The following DMD variants were observed in gnomAD, a reference collection of about 807,000 sequenced individuals.
DMD encodes the protein dystrophin, also known as mutant dystrophin.
Under a neutral mutation model 330.1 loss-of-function variants are expected in DMD, and 63 were observed. The observed-to-expected ratio is 0.19, with a 90% CI of 0.16 to 0.24. The LOEUF is 0.24. Among genes scored for constraint, DMD ranks in the 10% least tolerant of loss-of-function variants. The pLI, the probability that DMD is intolerant of heterozygous loss-of-function variation, is 1.00. For missense variants in DMD, 3,344 were observed against 2,684.1 expected, an observed-to-expected ratio of 1.25 and a Z score of -5.43; for synonymous variants, 1,223 against 959.8, an observed-to-expected ratio of 1.27 and a Z score of -5.07.
chrX:31,219,489 T>C (rs1359647103), intron 64 of DMD, among the ~76,000 whole-genome samples: 4 of 110,820 alleles, frequency 3.6e-5, no homozygotes, highest in African/African-American at 9.9e-5. Context: ...CTCCACTCCA[T>C]ACAAAAAATG....
intron 62 of DMD, among the ~76,000 whole-genome samples, chrX:31,285,595 G>A (rs950321793): frequency 2.7e-5 from 3 of 111,386 alleles, no homozygotes; most frequent in Admixed American, 9.6e-5. Flanking sequence ...TTTCATTAAC[G>A]CTCTCCTCTA....
At chrX:31,453,765 C>CAAAAAAAAAAAAAAA (rs760511403) in intron 59 of DMD, among the ~76,000 whole-genome samples, 92 of 8,976 alleles carry the variant, frequency 0.01, 9 homozygotes, top group South Asian at 0.022. Context: ...AAAAAACAAG[C>CAAAAAAAAAAAAAAA]AAAAAAAAAA....
At chrX:32,964,436 A>G (rs2092046589) in intron 2 of DMD, among the ~76,000 whole-genome samples, 1 of 109,858 alleles carries the variant, frequency 9.1e-6, no homozygotes, top group Non-Finnish European at 1.9e-5. Flanking sequence ...AGCCGGGCTC[A>G]GTGACTCACA....
At chrX:31,243,688 C>T (rs2048568190) in intron 63 of DMD, among the ~76,000 whole-genome samples, 1 of 112,706 alleles carries the variant, frequency 8.9e-6, no homozygotes, top group Non-Finnish European at 1.9e-5. Flanking sequence ...CTGGGAAGGA[C>T]ATGGTTAGAT....
chrX:31,421,141 T>C (rs1334612573), intron 60 of DMD, among the ~76,000 whole-genome samples: 2 of 112,251 alleles, frequency 1.8e-5, no homozygotes, highest in Non-Finnish European at 3.8e-5. Flanking sequence ...ACTTCATTCA[T>C]TGTAAAAAGC....
intron 1 of DMD, among the ~76,000 whole-genome samples, chrX:33,099,689 T>C (rs774408924): frequency 8.9e-6 from 1 of 112,180 alleles, no homozygotes; most frequent in Non-Finnish European, 1.9e-5. Context: ...ATAGTTCTCA[T>C]TTCATGTCGA....
chrX:32,639,395 C>G (rs186972016), intron 11 of DMD, among the ~76,000 whole-genome samples: 6 of 111,394 alleles, frequency 5.4e-5, no homozygotes, highest in Admixed American at 2.9e-4. Context: ...AAATCATTGG[C>G]TTACTCCTCT....
chrX:32,442,935 T>C (rs1449363260), intron 27 of DMD, among the ~76,000 whole-genome samples: 1 of 110,846 alleles, frequency 9.0e-6, no homozygotes. Flanking sequence ...TTAAGCACAA[T>C]TGTTTTTTCA....
chrX:32,534,499 T>C lies in DMD; in HGVS notation c.2168+10660A>G, dbSNP rs150455382. On this transcript the variant is annotated intron_variant, in intron 17 of 78. Transcript: ENST00000357033. Reference sequence around the variant, plus strand: ...GTTTCCCCTTTGCCTTCCATCATGATTGAAAGCTTCCTGAGACCTCCCCAG... The same window carrying C: ...GTTTCCCCTTTGCCTTCCATCATGACTGAAAGCTTCCTGAGACCTCCCCAG... Among the ~76,000 whole-genome samples, 593 of 111,521 alleles carry C rather than the reference T, an allele frequency of 5.3e-3. 5 individuals are homozygous for C. The highest frequency in any genetic ancestry group is 0.018 in the African/African-American group (547 of 30,672).
Position 32,343,265 on chromosome X carries a change from T to C in DMD, c.5608A>G (p.Lys1870Glu). Residue 1870 changes from lysine (K) to glutamate (E), a missense_variant, in exon 40 of 79, where the codon AAA (lysine) becomes GAA (glutamate). Physicochemically the swap from Lys to Glu is moderately conservative, Grantham distance 56 (BLOSUM62 1). Coordinates refer to ENST00000357033, the MANE Select transcript of DMD (RefSeq NM_004006.3). ...TGATGAGAAATTTCTAGAGCCTTTT[T>C]TCTTCTTTGAGACCTCAAATCCTGT... ...ALKDLRSQRR[K>E]KALEISHQWY... 2.1e-5 allele frequency: 25 copies of C among 1,208,804 alleles called. No individual in the cohort carries two copies. The highest frequency in any genetic ancestry group is 2.8e-5 in the Non-Finnish European group (25 of 893,032).
chrX:32,572,313 T>A (rs2052513205), intron 15 of DMD, among the ~76,000 whole-genome samples: 1 of 111,808 alleles, frequency 8.9e-6, no homozygotes, highest in Non-Finnish European at 1.9e-5. Flanking sequence ...TACTTAAGTT[T>A]AGAAATTATT....
chrX:31,171,045 C>T (rs1049366871), intron 73 of DMD, among the ~76,000 whole-genome samples: 1 of 112,096 alleles, frequency 8.9e-6, no homozygotes, highest in Non-Finnish European at 1.9e-5. Flanking sequence ...ATACCAAAAT[C>T]AGTGAGCCAA....
intron 16 of DMD, among the ~76,000 whole-genome samples, chrX:32,549,643 T>G (rs867061108): frequency 8.9e-6 from 1 of 112,180 alleles, no homozygotes; most frequent in African/African-American, 3.2e-5. Context: ...AGATTACATA[T>G]GTTAAAAAGA....
chrX:32,042,156 T>C (rs370107660), intron 44 of DMD, among the ~76,000 whole-genome samples: 9 of 60,670 alleles, frequency 1.5e-4, no homozygotes, highest in African/African-American at 3.5e-4. Context: ...TATACATACA[T>C]ATACACACAT....
chrX:32,436,831 A>G (rs2098263309), intron 29 of DMD, among the ~76,000 whole-genome samples: 1 of 109,935 alleles, frequency 9.1e-6, no homozygotes, highest in Non-Finnish European at 1.9e-5. Context: ...ATGCACCTGT[A>G]GTCCCAGCTA....
chrX:32,799,653 A>G (rs764083486), intron 7 of DMD, among the ~76,000 whole-genome samples: 2 of 108,723 alleles, frequency 1.8e-5, no homozygotes, highest in South Asian at 8.2e-4. Flanking sequence ...CAGAGAAACA[A>G]TGTATATGAA....
intron 15 of DMD, among the ~76,000 whole-genome samples, chrX:32,567,840 A>G (rs1189234081): frequency 8.9e-6 from 1 of 112,421 alleles, no homozygotes; most frequent in Non-Finnish European, 1.9e-5. Context: ...TTCAATGTAT[A>G]TTCCTCCAGT....
At chrX:32,867,120 G>A (rs1299732471) in intron 2 of DMD, among the ~76,000 whole-genome samples, 4 of 109,817 alleles carry the variant, frequency 3.6e-5, no homozygotes, top group Admixed American at 2.9e-4. Flanking sequence ...ATGCAACTAA[G>A]GTTGTATTCC....
chrX:32,619,119 C>T (rs1338922301), intron 11 of DMD, among the ~76,000 whole-genome samples: 1 of 111,576 alleles, frequency 9.0e-6, no homozygotes, highest in African/African-American at 3.3e-5. Flanking sequence ...CAATGGAATA[C>T]TATTCAGCCA....
Sources: gnomAD v4.1 joint callset for allele counts (sites outside exome capture counted in the v4.1 genomes callset) on GRCh38, gnomAD v4.1.1 for gene constraint, MANE v1.5 for transcripts, NCBI Gene and HGNC (gene_info 2026-07-23, HGNC 2026-07-21) for gene names.